Variants in ACAN observed in about 807,000 individuals in gnomAD.
ACAN encodes the protein aggrecan core protein.
Under a neutral mutation model 169.1 loss-of-function variants are expected in ACAN, and 47 were observed. The observed-to-expected ratio is 0.28, with a 90% confidence interval of 0.22 to 0.35. The LOEUF is 0.35. Among genes scored for constraint, ACAN ranks in the 10% least tolerant of loss-of-function variants. The pLI is 1.00. For synonymous variants in ACAN, 1,115 were observed against 1,112.2 expected, an observed-to-expected ratio of 1.00 and a Z score of -0.05; for missense variants, 2,716 against 2,759.9, an observed-to-expected ratio of 0.98 and a Z score of 0.36.
chr15:88,862,724 G>A (rs945722113), intron 13 of ACAN, among the ~76,000 whole-genome samples: 11 of 152,230 alleles, frequency 7.2e-5, no homozygotes, highest in African/African-American at 2.4e-4. Flanking sequence ...TCGGCCAGGT[G>A]CAGTGGCTCA....
chr15:88,843,455 C>T lies in ACAN; in HGVS notation c.858C>T (p.Leu286=). 2.5e-6 allele frequency: 4 copies of T among 1,611,326 alleles called. No homozygotes were observed. The South Asian group carries it at 3.3e-5, about 13-fold the overall frequency. ...LGARLATTGQ[L]YLAWQAGMDM... ...CCCGGCTGGCCACCACGGGCCAGCT[C>T]TACCTGGCCTGGCAGGCTGGCATGG... is the stretch of plus-strand genomic sequence containing the variant. Residue 286 remains leucine (L), a synonymous_variant, in exon 6 of 19, where the codon CTC becomes CTT. Coordinates refer to ENST00000560601, the MANE Select transcript of ACAN (RefSeq NM_001369268.1). The surrounding 1 kb of genome is among the most constrained non-coding windows in gnomAD (Gnocchi z 4.0).
Position 88,857,740 on chromosome 15 carries a change from G to A in ACAN, c.5155G>A (p.Ala1719Thr). ...TTCAGGAACTGAACTCAGTGGCCAA[G>A]CATCTGGGTCTCCTGATGTCAGTGG... ...LPSGTELSGQ[A>T]SGSPDVSGEI... Residue 1719 changes from alanine to threonine, a missense_variant, in exon 12 of 19, where the codon GCA becomes ACA. Transcript: ENST00000560601. The A allele has an allele frequency of 6.2e-7, 1 of 1,613,950 alleles. No individual in the cohort carries two copies. Among genetic ancestry groups the A allele is most frequent in the African/African-American group, 1.3e-5 (1 of 75,040 alleles).
In ACAN at chr15:88,873,161, G is replaced by T. The variant is rs1317566965; in HGVS notation, c.7447+136G>T. ...TGTCTCCTCACTTGTCCAAAAGGCA[G>T]ACTGGAGCTGACCTAGGGGTCCCTC... On this transcript the variant is annotated intron_variant, in intron 17 of 18. Transcript: ENST00000560601. The surrounding 1 kb of genome is among the most constrained non-coding windows in gnomAD (Gnocchi z 7.5). 1 of 1,210,132 alleles carries T rather than the reference G, an allele frequency of 8.3e-7. No individual in the cohort carries two copies. The highest frequency in any genetic ancestry group is 1.1e-6 in the Non-Finnish European group (1 of 884,206). 75.0% of individuals were successfully genotyped at this position (1,210,132 alleles called of 1,614,324 possible).
intron 1 of ACAN, among the ~76,000 whole-genome samples, chr15:88,819,397 C>T (rs1185938301): frequency 1.3e-5 from 2 of 152,028 alleles, no homozygotes; most frequent in African/African-American, 2.4e-5. Flanking sequence ...ATGTTGAACT[C>T]GCTCCATGTG....
At chr15:88,848,361 A>G (rs1057143328) in intron 9 of ACAN, among the ~76,000 whole-genome samples, 9 of 152,324 alleles carry the variant, frequency 5.9e-5, no homozygotes, top group Middle Eastern at 6.8e-3. Context: ...CTTCTTGGAG[A>G]GTCCCAATGC....
At chr15:88,805,328 T>TG (rs1218494651) in intron 1 of ACAN, among the ~76,000 whole-genome samples, 1 of 152,016 alleles carries the variant, frequency 6.6e-6, no homozygotes, top group African/African-American at 2.4e-5. Context: ...TGAAGCTCGT[T>TG]GGGGGAGGAA....
At position 88,855,436 on chromosome 15, in the gene ACAN, G is replaced by T; in HGVS notation, c.2851G>T (p.Val951Phe). 1 of 1,613,474 alleles carries T rather than the reference G, an allele frequency of 6.2e-7. No individual in the cohort carries two copies. The highest frequency in any genetic ancestry group is 8.5e-7 in the Non-Finnish European group (1 of 1,179,524). Residue 951 changes from valine (V) to phenylalanine (F), a missense_variant, in exon 12 of 19, where the codon GTT becomes TTT. Coordinates refer to ENST00000560601, the MANE Select transcript of ACAN (RefSeq NM_001369268.1). ...AEILEGSASGVGDLSGLPSGE... is the reference protein window; with the variant it reads ...AEILEGSASGFGDLSGLPSGE... ...GATCCTAGAGGGCTCTGCCTCTGGA[G>T]TTGGGGATCTCAGTGGACTTCCTTC...
chr15:88,811,285 T>C (rs1379491940), intron 1 of ACAN, among the ~76,000 whole-genome samples: 1 of 152,030 alleles, frequency 6.6e-6, no homozygotes, highest in South Asian at 2.1e-4. Flanking sequence ...ACCGTGAAGC[T>C]TTTTTTTCCT....
intron 1 of ACAN, among the ~76,000 whole-genome samples, chr15:88,820,280 T>A (rs1896042564): frequency 6.6e-6 from 1 of 152,314 alleles, no homozygotes; most frequent in African/African-American, 2.4e-5. Flanking sequence ...AGGCAGCACG[T>A]GCTCCTGCTG....
In ACAN at chr15:88,859,227, C is replaced by T. The variant is rs1897141021; in HGVS notation, c.6642C>T (p.Ser2214=). 1 of 1,613,898 alleles carries T rather than the reference C, an allele frequency of 6.2e-7. No homozygotes were observed. Among genetic ancestry groups the T allele is most frequent in the Non-Finnish European group, 8.5e-7 (1 of 1,179,894 alleles). ...GHTSQLGVVI[S]TSIPESEWTQ... ...CCTCGCAGCTGGGCGTTGTCATCAG[C>T]ACCAGCATCCCAGAGTCTGAGTGGA... The change falls in exon 12 of 19, where the codon AGC becomes AGT. Residue 2214 remains serine (S), a synonymous_variant. Coordinates refer to ENST00000560601, the MANE Select transcript of ACAN (RefSeq NM_001369268.1).
At chr15:88,865,026 G>A (rs780334826) in intron 13 of ACAN, among the ~76,000 whole-genome samples, 2 of 152,202 alleles carry the variant, frequency 1.3e-5, no homozygotes, top group South Asian at 4.1e-4. Context: ...CAAGGTGGAG[G>A]CCTGACGTCT....
Position 88,843,293 on chromosome 15 carries a change from G to A in ACAN, c.758-62G>A, listed in dbSNP as rs151288767. The A allele has an allele frequency of 4.1e-5, 58 of 1,406,350 alleles. No individual in the cohort carries two copies. In the African/African-American group the frequency reaches 9.4e-4, roughly 23 times the overall value. 87.1% of individuals were successfully genotyped at this position (1,406,350 alleles called of 1,614,324 possible). ...CTCGTGGAAAAGTGTGGATCTCTCT[G>A]GGGATGCAGAGCAGGGGGAGGGGGG... On this transcript the variant is annotated intron_variant, in intron 5 of 18. Coordinates refer to ENST00000560601, the MANE Select transcript of ACAN (RefSeq NM_001369268.1). This position sits in a 1 kb window ranked among gnomAD's most constrained non-coding sequence, Gnocchi z 4.0.
intron 2 of ACAN, among the ~76,000 whole-genome samples, chr15:88,837,633 C>A (rs1896537472): frequency 6.6e-6 from 1 of 152,122 alleles, no homozygotes; most frequent in Non-Finnish European, 1.5e-5. Context: ...CCCTGAGAAC[C>A]ACTACTGCTA....
rs909766867 is a variant in ACAN, at chr15:88,814,916, A to T, written c.-8+11107A>T. On this transcript the variant is annotated intron_variant, in intron 1 of 18. Coordinates refer to ENST00000560601, the MANE Select transcript of ACAN (RefSeq NM_001369268.1). The surrounding 1 kb of genome is among the most constrained non-coding windows in gnomAD (Gnocchi z 4.0). ...CTCTCCTGGGACTAGGGAGTGGGGAATCCTAAATGTACCAGAAGAACCTTT... is the reference window on the plus strand; with the variant it reads ...CTCTCCTGGGACTAGGGAGTGGGGATTCCTAAATGTACCAGAAGAACCTTT... Among the ~76,000 whole-genome samples, 2 of 152,028 alleles carry T rather than the reference A, an allele frequency of 1.3e-5. No individual in the cohort carries two copies. Among genetic ancestry groups the T allele is most frequent in the Admixed American group, 6.6e-5 (1 of 15,260 alleles).
chr15:88,847,280 CT>C lies in ACAN; in HGVS notation c.1468del (p.Ser490ArgfsTer2). ...FHYRPGPTRY[S>X]LTFEEAQQAC... ...ACTACCGCCCGGGACCCACCCGCTA[CT>C]CGCTGACCTTTGAGGAGGCACAGCA... On this transcript the variant is annotated frameshift_variant, in exon 8 of 19. Transcript: ENST00000560601. LOFTEE classifies it high-confidence loss of function. 6.4e-7 allele frequency: 1 copy of C among 1,568,460 alleles called. No homozygotes were observed. The highest frequency in any genetic ancestry group is 8.6e-7 in the Non-Finnish European group (1 of 1,158,038).
rs1897373896 is a variant in ACAN at position 88,871,347 on chromosome 15, TGCCCCTCCCTTCAA to T, written c.7061-28_7061-15del. 6.2e-7 allele frequency: 1 copy of T among 1,612,930 alleles called. No homozygotes were observed. On this transcript the variant is annotated intron_variant, in intron 14 of 18. Transcript: ENST00000560601. The surrounding 1 kb of genome is among the most constrained non-coding windows in gnomAD (Gnocchi z 7.8). ...GCATCTGCCATCCCCTGGTGGCCTC[TGCCCCTCCCTTCAA>T]GCCCCTGACCTGTGTTGCAGACCAG...
At position 88,856,724 on chromosome 15, in the gene ACAN, T is replaced by C. The variant is rs561175031; in HGVS notation, c.4139T>C (p.Val1380Ala). 7.7e-6 allele frequency: 4 copies of C among 522,406 alleles called. No homozygotes were observed. The highest frequency in any genetic ancestry group is 5.7e-5 in the East Asian group (2 of 34,858). 32.4% of individuals were successfully genotyped at this position (522,406 alleles called of 1,614,324 possible). A position where few individuals can be genotyped will look rare whatever the true frequency, so the allele number is the denominator to read the frequency against. Reference protein sequence around the residue: ...EDISGLPSGEVLETAAPGVED... With the variant: ...EDISGLPSGEALETAAPGVED... ...ATCAGCGGGCTTCCTTCTGGAGAAG[T>C]TCTAGAGACTGCTGCCCCTGGAGTA... Residue 1380 changes from valine to alanine, a missense_variant, in exon 12 of 19, where the codon GTT (valine) becomes GCT (alanine). This residue lies in a region of ACAN where 44 missense variants were observed against 114.7 expected (regional missense o/e 0.38). Coordinates refer to ENST00000560601, the MANE Select transcript of ACAN (RefSeq NM_001369268.1).
At chr15:88,867,408 G>A (rs1393775341) in intron 13 of ACAN, among the ~76,000 whole-genome samples, 1 of 152,176 alleles carries the variant, frequency 6.6e-6, no homozygotes, top group Non-Finnish European at 1.5e-5. Flanking sequence ...CACCTCTGTA[G>A]CTCCGAACGC....
rs942709052 is a variant in ACAN, at chr15:88,814,644, C to T, written c.-8+10835C>T. On this transcript the variant is annotated intron_variant, in intron 1 of 18. Transcript: ENST00000560601. This position sits in a 1 kb window ranked among gnomAD's most constrained non-coding sequence, Gnocchi z 4.0. ...ATTCCATTGTGGTCCATGGGAATAG[C>T]GACTCCTCGAGTTGTGCCAGTGTGC... 6.6e-5 allele frequency among the ~76,000 whole-genome samples: 10 copies of T among 152,210 alleles called. No individual in the cohort carries two copies. The highest frequency in any genetic ancestry group is 3.2e-3 in the Middle Eastern group (1 of 316).
Sources: gnomAD v4.1 joint callset for allele counts (sites outside exome capture counted in the v4.1 genomes callset) on GRCh38, gnomAD v4.1.1 for gene constraint, gnomAD v4.1.1 regional missense constraint, Gnocchi (gnomAD v3.1) non-coding constraint, MANE v1.5 for transcripts, NCBI Gene and HGNC (gene_info 2026-07-23, HGNC 2026-07-21) for gene names.